LRMDA: variants seen among roughly 807,000 people sequenced by gnomAD.
The protein encoded by LRMDA is leucine rich melanocyte differentiation associated.
LRMDA carries 18 observed loss-of-function variants against 29.8 expected under a neutral mutation model. That is an observed-to-expected ratio of 0.60 (90% CI 0.42 to 0.90). The LOEUF is 0.90. Among genes scored for constraint, LRMDA ranks in the 40% least tolerant of loss-of-function variants. The pLI is 0.00. For missense variants in LRMDA, 273 were observed against 273.9 expected (o/e 1.00, Z 0.02); for synonymous variants, 125 against 109.4 (o/e 1.14, Z -0.89).
chr10:75,680,791 C>T (rs550900240), intron 2 of LRMDA, among the ~76,000 whole-genome samples: 5 of 152,256 alleles, frequency 3.3e-5, no homozygotes, highest in African/African-American at 1.2e-4. Flanking sequence ...AGGAGGATCA[C>T]TTGAGCCCAG....
At chr10:75,446,399 C>A (rs990090249) in intron 2 of LRMDA, among the ~76,000 whole-genome samples, 4 of 152,214 alleles carry the variant, frequency 2.6e-5, no homozygotes, top group Non-Finnish European at 5.9e-5. Context: ...TGGGCTTGAC[C>A]CTCCATGAGG....
chr10:76,404,942 G>A (rs1200360155), intron 6 of LRMDA, among the ~76,000 whole-genome samples: 1 of 152,132 alleles, frequency 6.6e-6, no homozygotes, highest in East Asian at 1.9e-4. Context: ...GATGAAGGAA[G>A]GGTCCACAAG....
intron 2 of LRMDA, among the ~76,000 whole-genome samples, chr10:75,719,932 G>A (rs1842545705): frequency 6.6e-6 from 1 of 152,184 alleles, no homozygotes; most frequent in Non-Finnish European, 1.5e-5. Flanking sequence ...GATGGTTCAC[G>A]TGGAGCCCTC....
chr10:76,504,167 T>C (rs1842937900), intron 6 of LRMDA, among the ~76,000 whole-genome samples: 2 of 152,134 alleles, frequency 1.3e-5, no homozygotes, highest in East Asian at 1.9e-4. Flanking sequence ...TTGATTTCCA[T>C]TTTTATTATG....
intron 2 of LRMDA, among the ~76,000 whole-genome samples, chr10:75,556,178 G>A (rs1457276874): frequency 1.3e-5 from 2 of 151,974 alleles, no homozygotes; most frequent in Non-Finnish European, 2.9e-5. Context: ...CATTAAGCAG[G>A]ATTAATTTAA....
At position 75,539,256 on chromosome 10, in the gene LRMDA, A is replaced by G. The variant is rs1230186508; in HGVS notation, c.131+100762A>G. ...TGGAGACCCTCCATGGCTGTGTGTT[A>G]GAACCACACTGAAAGTTTTTTGTTT... is the stretch of plus-strand genomic sequence containing the variant. On this transcript the variant is annotated intron_variant, in intron 2 of 6. Transcript: ENST00000611255. 2.0e-5 allele frequency among the ~76,000 whole-genome samples: 3 copies of G among 152,232 alleles called. No individual in the cohort carries two copies. In the East Asian group the frequency reaches 5.8e-4, roughly 29 times the overall value.
At chr10:76,413,487 A>C (rs1284067745) in intron 6 of LRMDA, among the ~76,000 whole-genome samples, 1 of 152,162 alleles carries the variant, frequency 6.6e-6, no homozygotes, top group Non-Finnish European at 1.5e-5. Flanking sequence ...CAAAACCATC[A>C]GATCCCCTGA....
At chr10:76,517,756 T>A (rs1466838227) in intron 6 of LRMDA, among the ~76,000 whole-genome samples, 1 of 151,928 alleles carries the variant, frequency 6.6e-6, no homozygotes, top group African/African-American at 2.4e-5. Flanking sequence ...AGGAAATCAC[T>A]GTCAAATGTA....
intron 5 of LRMDA, among the ~76,000 whole-genome samples, chr10:76,274,763 G>A (rs11812455): frequency 0.34 from 51,741 of 151,926 alleles, 9,845 homozygotes; most frequent in South Asian, 0.5. Flanking sequence ...TATTGGAGCG[G>A]TTTTTACAAA....
chr10:75,717,676 C>G (rs540233017), intron 2 of LRMDA, among the ~76,000 whole-genome samples: 1 of 152,288 alleles, frequency 6.6e-6, no homozygotes, highest in South Asian at 2.1e-4. Context: ...ATTAATGTCC[C>G]TGCACAAGCT....
chr10:75,830,399 C>T (rs1325324286), intron 2 of LRMDA, among the ~76,000 whole-genome samples: 1 of 152,166 alleles, frequency 6.6e-6, no homozygotes, highest in Non-Finnish European at 1.5e-5. Context: ...TTTCATGCTG[C>T]TGATAAAGAC....
intron 6 of LRMDA, among the ~76,000 whole-genome samples, chr10:76,496,212 C>A (rs1467613984): frequency 2.7e-5 from 2 of 75,014 alleles, no homozygotes; most frequent in East Asian, 5.1e-4. Flanking sequence ...TTCCTCTGGT[C>A]CTTTCAGGTA....
intron 6 of LRMDA, among the ~76,000 whole-genome samples, chr10:76,441,688 G>A (rs746727698): frequency 1.1e-4 from 16 of 152,136 alleles, no homozygotes; most frequent in Non-Finnish European, 2.1e-4. Flanking sequence ...GGATGTGCGA[G>A]GCTCTGCCCC....
At chr10:75,665,331 G>GC (rs1841808604) in intron 2 of LRMDA, among the ~76,000 whole-genome samples, 1 of 152,174 alleles carries the variant, frequency 6.6e-6, no homozygotes. Flanking sequence ...TGGGGCTGAA[G>GC]CCTGGTGGGC....
chr10:76,499,980 C>A lies in LRMDA; in HGVS notation c.602-57229C>A, dbSNP rs1036085282. Among the ~76,000 whole-genome samples the A allele has an allele frequency of 9.3e-5, 7 of 75,656 alleles. 2 individuals carry two copies. Among genetic ancestry groups the A allele is most frequent in the African/African-American group, 2.2e-4 (7 of 31,148 alleles). 49.6% of individuals were successfully genotyped at this position (75,656 alleles called of 152,430 possible). Reference sequence around the variant, plus strand: ...AAACTCCTTGGTTCAAGTGATCCTCCTGCCTCAGCCTTCTGAGTAGCTAGG... The same window carrying A: ...AAACTCCTTGGTTCAAGTGATCCTCATGCCTCAGCCTTCTGAGTAGCTAGG... On this transcript the variant is annotated intron_variant, in intron 6 of 6. Transcript: ENST00000611255.
intron 2 of LRMDA, among the ~76,000 whole-genome samples, chr10:75,668,595 C>CCCCA (rs1360364696): frequency 6.6e-6 from 1 of 151,944 alleles, no homozygotes; most frequent in Non-Finnish European, 1.5e-5. Context: ...TATCACAAGC[C>CCCCA]CCCAGAGCAC....
chr10:76,324,632 C>T (rs1189938429), intron 6 of LRMDA, 147 bp downstream of exon 6: 8 of 665,602 alleles, frequency 1.2e-5, no homozygotes, highest in South Asian at 3.8e-5. Flanking sequence ...ACCTGTCACA[C>T]GTAGTGATTT....
At chr10:75,821,465 C>T (rs1053699454) in intron 2 of LRMDA, among the ~76,000 whole-genome samples, 2 of 152,200 alleles carry the variant, frequency 1.3e-5, no homozygotes, top group African/African-American at 4.8e-5. Context: ...CATCCAGCAT[C>T]TCTTCATGAT....
intron 4 of LRMDA, among the ~76,000 whole-genome samples, chr10:76,054,771 C>T (rs1053762764): frequency 6.6e-6 from 1 of 150,870 alleles, no homozygotes. Context: ...TGACTGAGGC[C>T]GGTGGGAGCT....
Sources: allele counts gnomAD v4.1 joint callset (sites outside exome capture counted in the v4.1 genomes callset), GRCh38; gene constraint gnomAD v4.1.1; transcripts MANE v1.5; gene names NCBI Gene and HGNC (gene_info 2026-07-23, HGNC 2026-07-21).